The following FAM193A variants were observed in gnomAD, a reference collection of about 807,000 sequenced individuals.
FAM193A encodes the protein family with sequence similarity 193 member A, also known as protein FAM193A.
Under a neutral mutation model 126.5 loss-of-function variants are expected in FAM193A, and 22 were observed. The ratio of observed to expected loss-of-function variants is 0.17; its 90% CI spans 0.12 to 0.25. The LOEUF (loss-of-function observed/expected upper bound fraction) is 0.25, where lower values mean the gene tolerates loss of function less well. Ranked by LOEUF, FAM193A falls within the 10% of genes least tolerant of loss-of-function variation. FAM193A has a pLI of 1.00. For synonymous variants in FAM193A, 761 were observed against 646.8 expected, an observed-to-expected ratio of 1.18 and a Z score of -2.68; for missense variants, 1,675 against 1,672.8, an observed-to-expected ratio of 1.00 and a Z score of -0.02.
intron 13 of FAM193A, among the ~76,000 whole-genome samples, chr4:2,686,789 C>T (rs1396719821): frequency 6.6e-6 from 1 of 152,212 alleles, no homozygotes; most frequent in African/African-American, 2.4e-5. Context: ...CTGCTCAAAG[C>T]TAGCAGTTTG....
chr4:2,644,348 G>A (rs752849906), intron 6 of FAM193A, among the ~76,000 whole-genome samples: 1 of 152,116 alleles, frequency 6.6e-6, no homozygotes, highest in Non-Finnish European at 1.5e-5. Context: ...GCATCCCAAC[G>A]TTCCAGGTGG....
intron 13 of FAM193A, among the ~76,000 whole-genome samples, chr4:2,689,011 C>T (rs1010502942): frequency 6.6e-6 from 1 of 152,234 alleles, no homozygotes. Flanking sequence ...TTGAGAACGC[C>T]CTGGTCTTTA....
At chr4:2,653,503 G>A (rs1048351395) in intron 7 of FAM193A, among the ~76,000 whole-genome samples, 1 of 152,058 alleles carries the variant, frequency 6.6e-6, no homozygotes, top group East Asian at 1.9e-4. Context: ...GAGTGCAGTG[G>A]TGTGATCTTG....
At chr4:2,611,261 C>CTATTTATTTATT (rs527253867) in intron 2 of FAM193A, among the ~76,000 whole-genome samples, 1 of 151,308 alleles carries the variant, frequency 6.6e-6, no homozygotes, top group African/African-American at 2.4e-5. Flanking sequence ...TCTGCATTTT[C>CTATTTATTTATT]TATTTATTTA....
chr4:2,584,323 A>C (rs1181858511), intron 1 of FAM193A, among the ~76,000 whole-genome samples: 2 of 151,512 alleles, frequency 1.3e-5, no homozygotes, highest in African/African-American at 4.9e-5. Context: ...GCTACTCAGG[A>C]GGCTAAGCAG....
intron 1 of FAM193A, among the ~76,000 whole-genome samples, chr4:2,577,422 G>GTTTTTTTTTTTT (rs986931980): frequency 0.11 from 12,527 of 113,882 alleles, 1,410 homozygotes; most frequent in Non-Finnish European, 0.15. Flanking sequence ...TTTTTTTTTT[G>GTTTTTTTTTTTT]TTTTTTTTTT....
At chr4:2,703,200 CTCT>C (rs1379536283) in intron 19 of FAM193A, among the ~76,000 whole-genome samples, 2 of 152,176 alleles carry the variant, frequency 1.3e-5, no homozygotes, top group Non-Finnish European at 2.9e-5. Flanking sequence ...TCTGCAGTCA[CTCT>C]TCTTTGTGCG....
Position 2,731,973 on chromosome 4 carries a change from C to T in FAM193A, c.*105C>T. The T allele has an allele frequency of 3.5e-6, 3 of 863,204 alleles. No individual in the cohort carries two copies. Among genetic ancestry groups the T allele is most frequent in the Non-Finnish European group, 5.8e-6 (3 of 516,802 alleles). The allele number at this position is 863,204 out of a possible 1,614,324, so 53.5% of individuals were successfully genotyped here. ...CCAGAGCCGTGGTGCTTGCCAAGGG[C>T]TGTGCGGAGCTGGTGCTGCCTGAAA... On this transcript the variant is annotated 3_prime_UTR_variant, in exon 21 of 21. Transcript: ENST00000637812.
At chr4:2,543,333 C>A (rs983951912) in intron 1 of FAM193A, among the ~76,000 whole-genome samples, 1 of 151,924 alleles carries the variant, frequency 6.6e-6, no homozygotes, top group African/African-American at 2.4e-5. Flanking sequence ...GTGATGTACC[C>A]GCCTCGGCCT....
At chr4:2,590,986 C>A (rs1367466682) in intron 1 of FAM193A, among the ~76,000 whole-genome samples, 1 of 151,142 alleles carries the variant, frequency 6.6e-6, no homozygotes, top group Non-Finnish European at 1.5e-5. Context: ...GAGATCGTGC[C>A]ACTACACCCC....
intron 17 of FAM193A, 77 bp from the exon 18 acceptor site, chr4:2,696,286 A>G (rs1291144520): frequency 2.1e-6 from 2 of 931,870 alleles, no homozygotes; most frequent in African/African-American, 3.3e-5. Context: ...AAAACAGTTT[A>G]TTTTTGGAGG....
chr4:2,592,313 C>T (rs886278865), intron 1 of FAM193A, among the ~76,000 whole-genome samples: 1 of 152,208 alleles, frequency 6.6e-6, no homozygotes, highest in South Asian at 2.1e-4. Flanking sequence ...TGGTCTTGAA[C>T]TCCTGACCTC....
At chr4:2,566,350 G>A (rs1196186114) in intron 1 of FAM193A, among the ~76,000 whole-genome samples, 2 of 152,130 alleles carry the variant, frequency 1.3e-5, no homozygotes, top group Non-Finnish European at 2.9e-5. Context: ...CCTGGCCAAT[G>A]GAAAATTGCT....
At chr4:2,595,024 C>T (rs1423059015) in intron 1 of FAM193A, among the ~76,000 whole-genome samples, 1 of 150,832 alleles carries the variant, frequency 6.6e-6, no homozygotes, top group African/African-American at 2.4e-5. Flanking sequence ...AACAGGGTTT[C>T]ACCATGTTGG....
Position 2,732,073 on chromosome 4 carries a change from G to T in FAM193A, c.*205G>T, listed in dbSNP as rs545998837. 8.5e-6 allele frequency: 5 copies of T among 587,578 alleles called. No homozygotes were observed. The highest frequency in any genetic ancestry group is 3.7e-5 in the African/African-American group (2 of 53,824). The allele number at this position is 587,578 out of a possible 1,614,324, so 36.4% of individuals were successfully genotyped here. On this transcript the variant is annotated 3_prime_UTR_variant, in exon 21 of 21. Coordinates refer to ENST00000637812, the MANE Select transcript of FAM193A (RefSeq NM_001366318.2). ...TGTAGTCTGTGCGTGAGACTCCTTC[G>T]ATTGTAGCTCTGTGCTGTCGGATTG... is the stretch of plus-strand genomic sequence containing the variant.
chr4:2,612,971 A>G (rs773895438), intron 2 of FAM193A, among the ~76,000 whole-genome samples: 89 of 152,242 alleles, frequency 5.8e-4, no homozygotes, highest in Non-Finnish European at 1.1e-3. Context: ...TTGGGATTTT[A>G]ACTGGCATTG....
chr4:2,541,446 CTTTTT>C (rs576194070), intron 1 of FAM193A, among the ~76,000 whole-genome samples: 62 of 137,840 alleles, frequency 4.5e-4, no homozygotes, highest in South Asian at 1.1e-3. Context: ...TCATTGTGTA[CTTTTT>C]TTTTTTTTTT....
intron 1 of FAM193A, among the ~76,000 whole-genome samples, chr4:2,584,785 C>G (rs554244220): frequency 6.6e-6 from 1 of 151,958 alleles, no homozygotes; most frequent in African/African-American, 2.4e-5. Flanking sequence ...ATTAGCTGGG[C>G]GTGGTGGTGT....
Position 2,536,696 on chromosome 4 carries a change from G to C in FAM193A, c.-220G>C, listed in dbSNP as rs1375070244. 1 of 145,658 alleles carries C rather than the reference G, an allele frequency of 6.9e-6. No homozygotes were observed. Among genetic ancestry groups the C allele is most frequent in the Non-Finnish European group, 1.5e-5 (1 of 66,760 alleles). The allele number at this position is 145,658 out of a possible 1,614,324, so 9.0% of individuals were successfully genotyped here. A position where few individuals can be genotyped will look rare whatever the true frequency, so the allele number is the denominator to read the frequency against. On this transcript the variant is annotated 5_prime_UTR_variant, in exon 1 of 21. Transcript: ENST00000637812. ...TATTGGACTCTAACTCTGGTCAGCC[G>C]CGGCGCCGGGACTGTGGACTCGCGG...
Sources: gnomAD v4.1 joint callset for allele counts (sites outside exome capture counted in the v4.1 genomes callset) on GRCh38, gnomAD v4.1.1 for gene constraint, MANE v1.5 for transcripts, NCBI Gene and HGNC (gene_info 2026-07-23, HGNC 2026-07-21) for gene names.